Variants in NDST3 observed in about 807,000 individuals in gnomAD.
The protein encoded by NDST3 is bifunctional heparan sulfate N-deacetylase/N-sulfotransferase 3.
Under a neutral mutation model 96.1 loss-of-function variants are expected in NDST3, and 58 were observed. That is an observed-to-expected ratio of 0.60 (90% CI 0.49 to 0.75). The LOEUF (loss-of-function observed/expected upper bound fraction) is 0.75, where lower values mean the gene tolerates loss of function less well. NDST3 is among the 30% of genes least tolerant of loss of function. The pLI, the probability that NDST3 is intolerant of heterozygous loss-of-function variation, is 0.00. For synonymous variants in NDST3, 333 were observed against 359.7 expected (o/e 0.93, Z 0.84); for missense variants, 788 against 1,034.2 (o/e 0.76, Z 3.27).
intron 2 of NDST3, among the ~76,000 whole-genome samples, chr4:118,097,306 T>C (rs1729394781): frequency 6.6e-6 from 1 of 151,964 alleles, no homozygotes; most frequent in African/African-American, 2.4e-5. Context: ...GAATCCACAG[T>C]ATCTGTTAAT....
At chr4:118,241,831 C>A (rs78306403) in intron 11 of NDST3, among the ~76,000 whole-genome samples, 5,934 of 152,232 alleles carry the variant, frequency 0.039, 175 homozygotes, top group African/African-American at 0.085. Context: ...TGTGACTTCT[C>A]AGACTGCAAA....
intron 1 of NDST3, among the ~76,000 whole-genome samples, chr4:118,050,416 A>G (rs1325289914): frequency 6.6e-6 from 1 of 152,026 alleles, no homozygotes; most frequent in Non-Finnish European, 1.5e-5. Context: ...CCAAATAGAA[A>G]AAGAAGTCAA....
chr4:118,138,319 T>C, intron 5 of NDST3, 80 bp downstream of exon 5: 3 of 1,267,654 alleles, frequency 2.4e-6, no homozygotes, highest in Non-Finnish European at 3.3e-6. Flanking sequence ...AAAACACAAA[T>C]GTTAGCAGCA....
chr4:118,049,047 T>TA (rs1403627431), intron 1 of NDST3, among the ~76,000 whole-genome samples: 1 of 152,082 alleles, frequency 6.6e-6, no homozygotes, highest in Non-Finnish European at 1.5e-5. Flanking sequence ...CAGTGCAATT[T>TA]AAAAAATCAA....
chr4:118,166,393 A>T, intron 6 of NDST3, among the ~76,000 whole-genome samples: 1 of 151,996 alleles, frequency 6.6e-6, no homozygotes, highest in East Asian at 1.9e-4. Flanking sequence ...ACTAGTAAGG[A>T]GACTGAGTCA....
intron 11 of NDST3, 115 bp from the exon 12 acceptor site, chr4:118,241,925 A>C (rs1298344562): frequency 4.6e-6 from 3 of 655,482 alleles, no homozygotes; most frequent in Non-Finnish European, 8.1e-6. Context: ...ACACCAATGC[A>C]TGCAATTCTG....
At chr4:118,086,414 A>C (rs1344476874) in intron 2 of NDST3, among the ~76,000 whole-genome samples, 2 of 151,608 alleles carry the variant, frequency 1.3e-5, no homozygotes, top group Non-Finnish European at 2.9e-5. Context: ...AATTTAATCC[A>C]TTTTTTTTCA....
intron 1 of NDST3, among the ~76,000 whole-genome samples, chr4:118,035,432 T>A (rs903080816): frequency 4.0e-5 from 3 of 75,332 alleles, no homozygotes; most frequent in Non-Finnish European, 1.0e-4. Flanking sequence ...ACACACACTT[T>A]TTTTTTGTTT....
At chr4:118,141,600 T>G (rs1432969510) in intron 5 of NDST3, among the ~76,000 whole-genome samples, 1 of 152,226 alleles carries the variant, frequency 6.6e-6, no homozygotes, top group Admixed American at 6.5e-5. Context: ...CAGAATCAGC[T>G]AGGCAATCAA....
chr4:118,033,663 T>C (rs1723995596), upstream of NDST3: 1 of 151,510 alleles, frequency 6.6e-6, no homozygotes, highest in Non-Finnish European at 1.5e-5. Flanking sequence ...GGGCCGTGGT[T>C]CTCCAGCGCA....
chr4:118,134,534 A>T (rs1400436388), intron 4 of NDST3, among the ~76,000 whole-genome samples: 1 of 152,326 alleles, frequency 6.6e-6, no homozygotes, highest in East Asian at 1.9e-4. Flanking sequence ...TAAATTTAAG[A>T]TATATACCAG....
At chr4:118,097,292 T>G (rs1458422974) in intron 2 of NDST3, among the ~76,000 whole-genome samples, 1 of 151,964 alleles carries the variant, frequency 6.6e-6, no homozygotes, top group African/African-American at 2.4e-5. Context: ...TATTTCTTAT[T>G]GGAGAATCCA....
chr4:118,192,499 A>G (rs1284388825), intron 6 of NDST3, among the ~76,000 whole-genome samples: 1 of 152,104 alleles, frequency 6.6e-6, no homozygotes, highest in African/African-American at 2.4e-5. Context: ...TCTTCTGCAT[A>G]TGGATATCCA....
chr4:118,206,164 C>T (rs1395152993), intron 6 of NDST3, among the ~76,000 whole-genome samples: 1 of 144,012 alleles, frequency 6.9e-6, no homozygotes, highest in Non-Finnish European at 1.5e-5. Context: ...CAACACCCAC[C>T]CACATTCATC....
At chr4:118,136,439 G>A (rs1165773870) in intron 4 of NDST3, among the ~76,000 whole-genome samples, 4 of 152,108 alleles carry the variant, frequency 2.6e-5, no homozygotes, top group Non-Finnish European at 5.9e-5. Flanking sequence ...CAAATTATGT[G>A]TTGATAAGGG....
chr4:118,206,545 C>A (rs1738454805), intron 6 of NDST3, among the ~76,000 whole-genome samples: 1 of 144,302 alleles, frequency 6.9e-6, no homozygotes, highest in African/African-American at 2.6e-5. Context: ...GAATATAGGC[C>A]TGTTTTGTCA....
At chr4:118,037,423 C>A (rs890078713) in intron 1 of NDST3, among the ~76,000 whole-genome samples, 10 of 152,122 alleles carry the variant, frequency 6.6e-5, no homozygotes, top group African/African-American at 2.2e-4. Flanking sequence ...AGGCACTGAG[C>A]GGTTACCTAC....
chr4:118,251,240 C>A (rs1203149482), intron 12 of NDST3, among the ~76,000 whole-genome samples: 3 of 150,330 alleles, frequency 2.0e-5, no homozygotes, highest in East Asian at 3.9e-4. Flanking sequence ...CATTCTCCTG[C>A]CTCAGCCTCC....
intron 6 of NDST3, among the ~76,000 whole-genome samples, chr4:118,197,221 A>AT (rs1387346522): frequency 2.6e-5 from 4 of 152,038 alleles, no homozygotes; most frequent in Non-Finnish European, 2.9e-5. Flanking sequence ...TATGATTAAC[A>AT]TTTTTTTGAA....
Sources: gnomAD v4.1 joint callset for allele counts (sites outside exome capture counted in the v4.1 genomes callset) on GRCh38, gnomAD v4.1.1 for gene constraint, MANE v1.5 for transcripts, NCBI Gene and HGNC (gene_info 2026-07-23, HGNC 2026-07-21) for gene names.